Variants in CXCL8 observed in about 807,000 individuals in gnomAD.
CXCL8 encodes the protein interleukin-8.
CXCL8 carries 12 observed loss-of-function variants against 10.9 expected under a neutral mutation model. The observed-to-expected ratio is 1.10, with a 90% confidence interval of 0.71 to 1.79. The LOEUF (loss-of-function observed/expected upper bound fraction) is 1.79. CXCL8 is among the 40% of genes most tolerant of loss of function. CXCL8 has a pLI of 0.00. For synonymous variants in CXCL8, 41 were observed against 39.6 expected (o/e 1.03, Z -0.13); for missense variants, 145 against 113.4 (o/e 1.28, Z -1.26).
chr4:73,742,358 A>G (rs1158561867), intron 3 of CXCL8, 91 bp from the exon 4 acceptor site: 2 of 648,364 alleles, frequency 3.1e-6, no homozygotes, highest in Non-Finnish European at 5.3e-6. Context: ...TTTCTAACAC[A>G]TGAATGTCAA....
intron 1 of CXCL8, among the ~76,000 whole-genome samples, chr4:73,741,211 A>C (rs1351283940): frequency 6.6e-6 from 1 of 152,132 alleles, no homozygotes; most frequent in Non-Finnish European, 1.5e-5. Flanking sequence ...TATGCTGGAG[A>C]GTCTTAGCTT....
At chr4:73,742,397 C>A in intron 3 of CXCL8, 52 bp from the exon 4 acceptor site, 1 of 911,544 alleles carries the variant, frequency 1.1e-6, no homozygotes, top group South Asian at 1.6e-5. Flanking sequence ...AAGAACCCTA[C>A]TTTCCTTCTT....
chr4:73,741,036 T>A (rs1055268288), intron 1 of CXCL8, among the ~76,000 whole-genome samples: 4 of 152,188 alleles, frequency 2.6e-5, no homozygotes, highest in African/African-American at 9.6e-5. Context: ...TGTATTAATA[T>A]TGAGTTGAGC....
rs202194050 is a variant in CXCL8 at position 73,741,612 on chromosome 4, C to T, written c.135C>T (p.His45=). 13 of 1,613,214 alleles carry T rather than the reference C, an allele frequency of 8.1e-6. No homozygotes were observed. Among genetic ancestry groups the T allele is most frequent in the Middle Eastern group, 3.3e-4 (2 of 6,084 alleles). Residue 45 remains histidine, a synonymous_variant, in exon 2 of 4, where the codon CAC becomes CAT. Coordinates refer to ENST00000307407, the MANE Select transcript of CXCL8 (RefSeq NM_000584.4). The part of the protein sequence containing the change: ...QCIKTYSKPF[H]PKFIKELRVI... ...TAAAGACATACTCCAAACCTTTCCA[C>T]CCCAAATTTATCAAAGAACTGAGAG...
In CXCL8 at chr4:73,742,217, T is replaced by C. The variant is rs1729194349; in HGVS notation, c.284+185T>C. ...TCATGACCAGAAAGACCATACATAGTTTGCCCAGGAAATTCTGGGTTTAAG... is the reference window on the plus strand; with the variant it reads ...TCATGACCAGAAAGACCATACATAGCTTGCCCAGGAAATTCTGGGTTTAAG... On this transcript the variant is annotated intron_variant, in intron 3 of 3. Coordinates refer to ENST00000307407, the MANE Select transcript of CXCL8 (RefSeq NM_000584.4). 1.5e-5 allele frequency: 9 copies of C among 581,178 alleles called. No homozygotes were observed. In the East Asian group the frequency reaches 2.6e-4, roughly 17 times the overall value. 36.0% of individuals were successfully genotyped at this position (581,178 alleles called of 1,614,324 possible).
Position 73,743,019 on chromosome 4 carries a change from C to T in CXCL8, c.*555C>T, listed in dbSNP as rs1729222290. 1 of 230,348 alleles carries T rather than the reference C, an allele frequency of 4.3e-6. No homozygotes were observed. The highest frequency in any genetic ancestry group is 8.6e-6 in the Non-Finnish European group (1 of 116,312). 14.3% of individuals were successfully genotyped at this position (230,348 alleles called of 1,614,324 possible). ...TCTAAGTGGAAAAAGTATTAGCCACCATCTTACCTCACAGTGATGTTGTGA... is the reference window on the plus strand; with the variant it reads ...TCTAAGTGGAAAAAGTATTAGCCACTATCTTACCTCACAGTGATGTTGTGA... On this transcript the variant is annotated 3_prime_UTR_variant, in exon 4 of 4. Coordinates refer to ENST00000307407, the MANE Select transcript of CXCL8 (RefSeq NM_000584.4).
intron 1 of CXCL8, 145 bp from the exon 2 acceptor site, chr4:73,741,397 C>A: frequency 1.4e-6 from 1 of 728,322 alleles, no homozygotes; most frequent in Non-Finnish European, 2.2e-6. Flanking sequence ...AGGTCAAGGG[C>A]TAGGAGAATA....
At chr4:73,741,793 AAAAT>A in intron 2 of CXCL8, 116 bp downstream of exon 2, 1 of 1,089,764 alleles carries the variant, frequency 9.2e-7, no homozygotes, top group South Asian at 1.5e-5. Flanking sequence ...GAAACAAAAC[AAAAT>A]AAAAATATTT....
chr4:73,742,419 C>A, intron 3 of CXCL8, 30 bp from the exon 4 acceptor site: 1 of 1,107,668 alleles, frequency 9.0e-7, no homozygotes, highest in Non-Finnish European at 1.3e-6. Flanking sequence ...TTAAACATAG[C>A]TCATCTTTAT....
Position 73,740,636 on chromosome 4 carries a change from G to GTT in CXCL8, c.-23_-22insTT, listed in dbSNP as rs1487463644. The GTT allele has an allele frequency of 5.6e-6, 9 of 1,610,484 alleles. No homozygotes were observed. The highest frequency in any genetic ancestry group is 7.6e-6 in the Non-Finnish European group (9 of 1,177,636). On this transcript the variant is annotated 5_prime_UTR_variant, in exon 1 of 4. Coordinates refer to ENST00000307407, the MANE Select transcript of CXCL8 (RefSeq NM_000584.4). ...AGAGCCAGGAAGAAACCACCGGAAG[G>GTT]AACCATCTCACTGTGTGTAAACATG...
chr4:73,740,700 G>A lies in CXCL8; in HGVS notation c.42G>A (p.Leu14=). The A allele has an allele frequency of 1.9e-6, 3 of 1,613,572 alleles. No homozygotes were observed. The highest frequency in any genetic ancestry group is 2.5e-6 in the Non-Finnish European group (3 of 1,179,672). ...KLAVALLAAF[L]ISAALCEGAV... The stretch of plus-strand genomic sequence containing the variant: ...CCGTGGCTCTCTTGGCAGCCTTCCT[G>A]ATTTCTGCAGCTCTGTGTGAAGGTA... The change falls in exon 1 of 4, where the codon CTG becomes CTA. Residue 14 remains leucine, a synonymous_variant. Transcript: ENST00000307407.
Position 73,743,596 on chromosome 4 carries a change from T to C in CXCL8, c.*1132T>C, listed in dbSNP as rs1325013690. On this transcript the variant is annotated 3_prime_UTR_variant, in exon 4 of 4. Transcript: ENST00000307407. ...ATGACTGCATTTTTAAATACAAGGC[T>C]TTATATTTTTAACTTTAAGATGTTT... 5.0e-6 allele frequency: 1 copy of C among 201,254 alleles called. No individual in the cohort carries two copies. The highest frequency in any genetic ancestry group is 1.0e-5 in the Non-Finnish European group (1 of 98,160). The allele number at this position is 201,254 out of a possible 1,614,324, so 12.5% of individuals were successfully genotyped here.
At chr4:73,740,772 C>A in intron 1 of CXCL8, 50 bp downstream of exon 1, 1 of 1,429,162 alleles carries the variant, frequency 7.0e-7, no homozygotes, top group Admixed American at 1.8e-5. Flanking sequence ...TAAATGTGAT[C>A]CTTAGATAGC....
chr4:73,740,796 A>G (rs1310986184), intron 1 of CXCL8, 74 bp downstream of exon 1: 2 of 1,167,694 alleles, frequency 1.7e-6, no homozygotes, highest in Admixed American at 4.1e-5. Flanking sequence ...GCTATTCTTG[A>G]TGCTTTGGTA....
Position 73,743,498 on chromosome 4 carries a change from G to A in CXCL8, c.*1034G>A. 1 of 200,616 alleles carries A rather than the reference G, an allele frequency of 5.0e-6. No individual in the cohort carries two copies. Among genetic ancestry groups the A allele is most frequent in the Non-Finnish European group, 1.0e-5 (1 of 97,526 alleles). The allele number at this position is 200,616 out of a possible 1,614,324, so 12.4% of individuals were successfully genotyped here. A position where few individuals can be genotyped will look rare whatever the true frequency, so the allele number is the denominator to read the frequency against. ...CTATTAAAACAGCCAAAACTCCACA[G>A]TCAATATTAGTAATTTCTTGCTGGT... On this transcript the variant is annotated 3_prime_UTR_variant, in exon 4 of 4. Transcript: ENST00000307407.
In CXCL8 at chr4:73,741,526, C is replaced by G; in HGVS notation, c.65-16C>G. 6.2e-7 allele frequency: 1 copy of G among 1,611,402 alleles called. No homozygotes were observed. The highest frequency in any genetic ancestry group is 1.3e-5 in the African/African-American group (1 of 74,920). On this transcript the variant is annotated splice_polypyrimidine_tract_variant and intron_variant, in intron 1 of 3. Transcript: ENST00000307407. ...TGTTGATAAAATCAATCCTTAATCA[C>G]TTTTTCCCCCAACAGGTGCAGTTTT... is the stretch of plus-strand genomic sequence containing the variant.
intron 3 of CXCL8, 147 bp from the exon 4 acceptor site, chr4:73,742,299 AGAT>A: frequency 1.7e-6 from 1 of 583,726 alleles, no homozygotes; most frequent in Non-Finnish European, 3.1e-6. Context: ...GTCCTATTTT[AGAT>A]GATAATTTCT....
rs779939265 is a variant in CXCL8 at position 73,740,646 on chromosome 4, A to G, written c.-13A>G. The G allele has an allele frequency of 6.2e-7, 1 of 1,605,808 alleles. No homozygotes were observed. Among genetic ancestry groups the G allele is most frequent in the Non-Finnish European group, 8.5e-7 (1 of 1,172,806 alleles). ...AGAAACCACCGGAAGGAACCATCTC[A>G]CTGTGTGTAAACATGACTTCCAAGC... On this transcript the variant is annotated 5_prime_UTR_variant, in exon 1 of 4. Coordinates refer to ENST00000307407, the MANE Select transcript of CXCL8 (RefSeq NM_000584.4).
chr4:73,741,321 CTCTT>C (rs1262474915), intron 1 of CXCL8, among the ~76,000 whole-genome samples: 1 of 152,118 alleles, frequency 6.6e-6, no homozygotes, highest in Non-Finnish European at 1.5e-5. Flanking sequence ...AGAACTCTAA[CTCTT>C]TATATAGGAA....
Sources: gnomAD v4.1 joint callset for allele counts (sites outside exome capture counted in the v4.1 genomes callset) on GRCh38, gnomAD v4.1.1 for gene constraint, MANE v1.5 for transcripts, NCBI Gene and HGNC (gene_info 2026-07-23, HGNC 2026-07-21) for gene names.